The following CADPS2 variants were observed in gnomAD, a reference collection of about 807,000 sequenced individuals.
CADPS2 encodes calcium-dependent secretion activator 2.
A neutral mutation model predicts 172.5 loss-of-function variants in CADPS2; 93 were observed. The observed-to-expected ratio is 0.54, with a 90% confidence interval of 0.46 to 0.64. The LOEUF (loss-of-function observed/expected upper bound fraction) is 0.64, where lower values mean the gene tolerates loss of function less well. Among genes scored for constraint, CADPS2 ranks in the 30% least tolerant of loss-of-function variants. The pLI, the probability that CADPS2 is intolerant of heterozygous loss-of-function variation, is 0.00. For synonymous variants in CADPS2, 546 were observed against 555.2 expected (o/e 0.98, Z 0.23); for missense variants, 1,420 against 1,565.9 (o/e 0.91, Z 1.57).
In CADPS2 at chr7:122,729,663, C is replaced by A. The variant is rs1051851318; in HGVS notation, c.453+7292G>T. 2.1e-5 allele frequency among the ~76,000 whole-genome samples: 3 copies of A among 140,754 alleles called. No individual in the cohort carries two copies. The South Asian group carries it at 6.7e-4, about 32-fold the overall frequency. 92.3% of individuals were successfully genotyped at this position (140,754 alleles called of 152,430 possible). A position where few individuals can be genotyped will look rare whatever the true frequency, so the allele number is the denominator to read the frequency against. On this transcript the variant is annotated intron_variant, in intron 2 of 29. Transcript: ENST00000449022. ...GAGAAATGTCTATTTATGCCCTTTG[C>A]CCATTTTTAACGGTTTTTTTTTTTT...
rs1210676608 is a variant in CADPS2, at chr7:122,820,685, G to A, written c.339+65314C>T. 8.7e-5 allele frequency among the ~76,000 whole-genome samples: 11 copies of A among 126,492 alleles called. 2 individuals are homozygous for A. Among genetic ancestry groups the A allele is most frequent in the African/African-American group, 2.1e-4 (7 of 32,562 alleles). 83.0% of individuals were successfully genotyped at this position (126,492 alleles called of 152,430 possible). On this transcript the variant is annotated intron_variant, in intron 1 of 29. Coordinates refer to ENST00000449022, the MANE Select transcript of CADPS2 (RefSeq NM_017954.11). ...CGCCATTCTCCTGCCTCAGCCTCCC[G>A]AGTAGCTGGGACTACAGGCGCCCGC...
At chr7:122,466,067 C>T (rs116583857) in intron 14 of CADPS2, among the ~76,000 whole-genome samples, 520 of 152,186 alleles carry the variant, frequency 3.4e-3, no homozygotes, top group African/African-American at 0.012. Context: ...TTGTCCTATA[C>T]CTAACTATTG....
chr7:122,853,414 G>A (rs1275935062), intron 1 of CADPS2, among the ~76,000 whole-genome samples: 3 of 152,170 alleles, frequency 2.0e-5, no homozygotes, highest in South Asian at 2.1e-4. Context: ...AGCTGAGTTC[G>A]CACCAGGCAG....
At chr7:122,770,325 A>G (rs2093671453) in intron 1 of CADPS2, among the ~76,000 whole-genome samples, 1 of 152,194 alleles carries the variant, frequency 6.6e-6, no homozygotes, top group Admixed American at 6.5e-5. Flanking sequence ...TATAGAAAAA[A>G]AGTATAGAAA....
At chr7:122,520,059 T>C (rs2060663524) in intron 8 of CADPS2, among the ~76,000 whole-genome samples, 2 of 152,180 alleles carry the variant, frequency 1.3e-5, no homozygotes, top group African/African-American at 4.8e-5. Flanking sequence ...AGCTGGAAGA[T>C]AACACCACAA....
chr7:122,342,403 C>T (rs2036916961), intron 28 of CADPS2, among the ~76,000 whole-genome samples: 1 of 152,028 alleles, frequency 6.6e-6, no homozygotes, highest in South Asian at 2.1e-4. Context: ...AAATCAGGAA[C>T]AATCAAGGTG....
intron 1 of CADPS2, among the ~76,000 whole-genome samples, chr7:122,884,420 C>T (rs1293510654): frequency 1.3e-5 from 2 of 152,126 alleles, no homozygotes; most frequent in African/African-American, 4.8e-5. Context: ...GCGGGGCATT[C>T]AAAACTTACC....
chr7:122,440,325 C>A (rs926776827), intron 16 of CADPS2: 4 of 152,058 alleles, frequency 2.6e-5, no homozygotes, highest in Non-Finnish European at 5.9e-5. Context: ...GTATTAGGTA[C>A]CCACGATGGG....
chr7:122,824,510 A>G (rs946002040), intron 1 of CADPS2, among the ~76,000 whole-genome samples: 2 of 152,206 alleles, frequency 1.3e-5, no homozygotes, highest in African/African-American at 4.8e-5. Context: ...GTATATTTTC[A>G]TATGATAAAG....
intron 2 of CADPS2, among the ~76,000 whole-genome samples, chr7:122,674,218 A>G (rs1261929727): frequency 6.6e-6 from 1 of 151,466 alleles, no homozygotes; most frequent in East Asian, 1.9e-4. Flanking sequence ...CTCCCTTCAC[A>G]CCTCCCTGCA....
intron 8 of CADPS2, among the ~76,000 whole-genome samples, chr7:122,514,618 AT>A (rs1428666407): frequency 6.6e-6 from 1 of 152,124 alleles, no homozygotes; most frequent in African/African-American, 2.4e-5. Flanking sequence ...ATACATCGAA[AT>A]AGTCATACTC....
At chr7:122,508,833 G>A (rs564708096) in intron 9 of CADPS2, among the ~76,000 whole-genome samples, 18 of 152,200 alleles carry the variant, frequency 1.2e-4, no homozygotes, top group Non-Finnish European at 2.1e-4. Flanking sequence ...GCTACTTGGC[G>A]ACTTTTGCAA....
chr7:122,496,405 C>A (rs1007964891), intron 9 of CADPS2, among the ~76,000 whole-genome samples: 3 of 152,156 alleles, frequency 2.0e-5, no homozygotes, highest in African/African-American at 7.2e-5. Flanking sequence ...TCCAGTAATC[C>A]ACCTGCCTTG....
intron 8 of CADPS2, among the ~76,000 whole-genome samples, chr7:122,529,216 AG>A (rs2061546551): frequency 1.3e-5 from 2 of 151,854 alleles, no homozygotes; most frequent in South Asian, 4.1e-4. Flanking sequence ...ACAGGAAATC[AG>A]TACCTTCCCA....
intron 1 of CADPS2, among the ~76,000 whole-genome samples, chr7:122,782,182 T>A (rs1369078340): frequency 6.6e-6 from 1 of 152,188 alleles, no homozygotes; most frequent in South Asian, 2.1e-4. Context: ...CCTTAGCAAA[T>A]TTCCATAATT....
chr7:122,615,338 A>G, intron 5 of CADPS2, 39 bp from the exon 6 acceptor site: 1 of 1,331,692 alleles, frequency 7.5e-7, no homozygotes, highest in Non-Finnish European at 1.0e-6. Flanking sequence ...CATCAAGTTG[A>G]TAACATTTAG....
chr7:122,466,173 T>C (rs2055111917), intron 14 of CADPS2, among the ~76,000 whole-genome samples: 1 of 152,164 alleles, frequency 6.6e-6, no homozygotes, highest in Non-Finnish European at 1.5e-5. Context: ...TAGTCTAATA[T>C]ATACTAAAAA....
At chr7:122,374,374 C>T (rs1301924744) in intron 25 of CADPS2, among the ~76,000 whole-genome samples, 1 of 151,820 alleles carries the variant, frequency 6.6e-6, no homozygotes, top group Non-Finnish European at 1.5e-5. Context: ...TTCTATTCAA[C>T]ATAGTACTGG....
intron 14 of CADPS2, among the ~76,000 whole-genome samples, chr7:122,469,940 C>A (rs1283342687): frequency 6.6e-6 from 1 of 151,788 alleles, no homozygotes; most frequent in African/African-American, 2.4e-5. Flanking sequence ...TTGAAGTCTT[C>A]TAAGATGAGT....
Sources: gnomAD v4.1 joint callset for allele counts (sites outside exome capture counted in the v4.1 genomes callset) on GRCh38, gnomAD v4.1.1 for gene constraint, MANE v1.5 for transcripts, NCBI Gene and HGNC (gene_info 2026-07-23, HGNC 2026-07-21) for gene names.